LRRC4C: variants seen among roughly 807,000 people sequenced by gnomAD.
The protein encoded by LRRC4C is leucine rich repeat containing 4C.
In LRRC4C, 5 loss-of-function variants were observed where a neutral mutation model predicts 33.6. The ratio of observed to expected loss-of-function variants is 0.15; its 90% CI spans 0.08 to 0.31. LRRC4C has a LOEUF of 0.31. Ranked by LOEUF, LRRC4C falls within the 10% of genes least tolerant of loss-of-function variation. The probability of loss-of-function intolerance (pLI) is 1.00; values close to 1 mark genes in which losing one functional copy is unlikely to be tolerated. For missense variants in LRRC4C, 560 were observed against 796.7 expected (o/e 0.70, Z 3.58); for synonymous variants, 329 against 302.0 (o/e 1.09, Z -0.93).
chr11:40,331,707 A>C (rs1434670779), intron 3 of LRRC4C, among the ~76,000 whole-genome samples: 1 of 152,260 alleles, frequency 6.6e-6, no homozygotes, highest in East Asian at 1.9e-4. Flanking sequence ...TGGGACATGC[A>C]TCTTCTCCTG....
At chr11:40,522,039 G>A (rs1187333965) in intron 3 of LRRC4C, among the ~76,000 whole-genome samples, 4 of 152,086 alleles carry the variant, frequency 2.6e-5, no homozygotes, top group Non-Finnish European at 5.9e-5. Context: ...TGAGACAAAA[G>A]AGCAAGAGTT....
At chr11:41,217,309 A>G (rs1344391997) in intron 1 of LRRC4C, among the ~76,000 whole-genome samples, 1 of 152,220 alleles carries the variant, frequency 6.6e-6, no homozygotes, top group African/African-American at 2.4e-5. Flanking sequence ...AATACATAGA[A>G]GCTTCAATAA....
intron 1 of LRRC4C, among the ~76,000 whole-genome samples, chr11:41,120,490 C>T (rs1238688420): frequency 6.6e-6 from 1 of 152,080 alleles, no homozygotes; most frequent in Non-Finnish European, 1.5e-5. Context: ...CCAGTGGAGG[C>T]ACTAATGGAG....
At chr11:40,209,618 C>T (rs905586685) in intron 5 of LRRC4C, among the ~76,000 whole-genome samples, 4 of 152,074 alleles carry the variant, frequency 2.6e-5, no homozygotes, top group Non-Finnish European at 5.9e-5. Flanking sequence ...TCTCGGCTCA[C>T]GGCAACCTCT....
intron 1 of LRRC4C, among the ~76,000 whole-genome samples, chr11:41,234,828 G>T (rs1253707767): frequency 6.6e-6 from 1 of 151,964 alleles, no homozygotes; most frequent in Non-Finnish European, 1.5e-5. Flanking sequence ...GTTTGTCCAA[G>T]GTTAAGTGTT....
intron 2 of LRRC4C, among the ~76,000 whole-genome samples, chr11:40,909,637 A>G (rs987678090): frequency 6.6e-6 from 1 of 152,112 alleles, no homozygotes; most frequent in African/African-American, 2.4e-5. Flanking sequence ...TCTTCTCTTG[A>G]TCAGTTATAT....
At chr11:41,226,572 G>A (rs998018164) in intron 1 of LRRC4C, among the ~76,000 whole-genome samples, 19 of 152,078 alleles carry the variant, frequency 1.2e-4, no homozygotes, top group African/African-American at 4.3e-4. Flanking sequence ...CAGAACAAGT[G>A]CTTTTTCTTT....
intron 4 of LRRC4C, among the ~76,000 whole-genome samples, chr11:40,257,265 C>T (rs534142443): frequency 6.6e-6 from 1 of 151,854 alleles, no homozygotes; most frequent in Non-Finnish European, 1.5e-5. Context: ...GAAGACTAAA[C>T]AAAACAAAAT....
intron 5 of LRRC4C, among the ~76,000 whole-genome samples, chr11:40,195,908 A>G (rs1862224483): frequency 6.6e-6 from 1 of 152,234 alleles, no homozygotes; most frequent in Admixed American, 6.5e-5. Flanking sequence ...GTCAAAAATC[A>G]CCACAAATGG....
At chr11:40,156,590 T>C (rs761706129) in intron 5 of LRRC4C, among the ~76,000 whole-genome samples, 2 of 151,880 alleles carry the variant, frequency 1.3e-5, no homozygotes, top group Non-Finnish European at 2.9e-5. Context: ...ACTCAACCTC[T>C]TTTACAATGG....
At chr11:41,300,311 CT>C (rs1950251561) in intron 1 of LRRC4C, among the ~76,000 whole-genome samples, 1 of 152,196 alleles carries the variant, frequency 6.6e-6, no homozygotes, top group Non-Finnish European at 1.5e-5. Flanking sequence ...ACACTGGAAT[CT>C]TCTCCAAAAT....
At chr11:41,056,102 TC>T (rs1343864601) in intron 1 of LRRC4C, among the ~76,000 whole-genome samples, 1 of 152,076 alleles carries the variant, frequency 6.6e-6, no homozygotes, top group Non-Finnish European at 1.5e-5. Flanking sequence ...TCTAGAAATA[TC>T]AATCACTCCC....
intron 1 of LRRC4C, among the ~76,000 whole-genome samples, chr11:41,270,368 GTCT>G (rs1462632816): frequency 6.6e-6 from 1 of 152,060 alleles, no homozygotes; most frequent in African/African-American, 2.4e-5. Flanking sequence ...ACTATTGCTA[GTCT>G]TATTATAATA....
intron 1 of LRRC4C, among the ~76,000 whole-genome samples, chr11:41,414,816 T>C (rs1291494812): frequency 1.3e-5 from 2 of 152,058 alleles, no homozygotes; most frequent in Non-Finnish European, 2.9e-5. Flanking sequence ...GTTTGAATAA[T>C]GGTACTCTAA....
chr11:40,568,998 G>A (rs140500096), intron 3 of LRRC4C, among the ~76,000 whole-genome samples: 76 of 152,240 alleles, frequency 5.0e-4, no homozygotes, highest in African/African-American at 1.7e-3. Context: ...TCCACTCCAC[G>A]GAGGATGTAC....
At chr11:41,296,012 C>T (rs1251194303) in intron 1 of LRRC4C, among the ~76,000 whole-genome samples, 1 of 152,144 alleles carries the variant, frequency 6.6e-6, no homozygotes. Context: ...AAATAAAATC[C>T]CATGTTCCTG....
intron 1 of LRRC4C, among the ~76,000 whole-genome samples, chr11:41,037,282 GT>G (rs34915521): frequency 0.11 from 15,568 of 148,214 alleles, 965 homozygotes; most frequent in African/African-American, 0.17. Flanking sequence ...TCTTTGATGG[GT>G]TTTTTTTTTT....
At chr11:40,897,088 C>G (rs958310141) in intron 2 of LRRC4C, among the ~76,000 whole-genome samples, 2 of 152,158 alleles carry the variant, frequency 1.3e-5, no homozygotes, top group Admixed American at 1.3e-4. Flanking sequence ...TTTGCAATGA[C>G]TATTCAGTGT....
intron 3 of LRRC4C, among the ~76,000 whole-genome samples, chr11:40,326,638 G>C (rs1406899434): frequency 6.6e-6 from 1 of 151,956 alleles, no homozygotes; most frequent in African/African-American, 2.4e-5. Context: ...TACTTAACCT[G>C]TCCAAGGACG....
Sources: gnomAD v4.1 joint callset for allele counts (sites outside exome capture counted in the v4.1 genomes callset) on GRCh38, gnomAD v4.1.1 for gene constraint, MANE v1.5 for transcripts, NCBI Gene and HGNC (gene_info 2026-07-23, HGNC 2026-07-21) for gene names.